Variants in ZSCAN5A observed in about 807,000 individuals in gnomAD.
ZSCAN5A encodes the protein zinc finger and SCAN domain-containing protein 5A.
ZSCAN5A carries 12 observed loss-of-function variants against 23.7 expected under a neutral mutation model. That is an observed-to-expected ratio of 0.51 (90% CI 0.32 to 0.82). The LOEUF is 0.82. ZSCAN5A is among the 40% of genes least tolerant of loss of function. The pLI is 0.03. For missense variants in ZSCAN5A, 597 were observed against 617.9 expected, an observed-to-expected ratio of 0.97 and a Z score of 0.36; for synonymous variants, 257 against 239.9, an observed-to-expected ratio of 1.07 and a Z score of -0.66.
intron 1 of ZSCAN5A, among the ~76,000 whole-genome samples, chr19:56,363,660 T>C (rs1250257868): frequency 6.6e-6 from 1 of 152,184 alleles, no homozygotes; most frequent in Non-Finnish European, 1.5e-5. Context: ...AAACGTGACA[T>C]GTGTTATGCC....
chr19:56,333,404 C>T lies in ZSCAN5A; in HGVS notation c.-357-17136G>A, dbSNP rs950464239. On this transcript the variant is annotated intron_variant, in intron 2 of 6. Transcript: ENST00000587340. ...TCTTCAAAAGACCAGACTTCAATTC[C>T]GAAATTCGTTCTTCTGCTTGCTCCA... Among the ~76,000 whole-genome samples, 6 of 150,920 alleles carry T rather than the reference C, an allele frequency of 4.0e-5. No individual in the cohort carries two copies. In the South Asian group the frequency reaches 6.3e-4, roughly 16 times the overall value.
At chr19:56,233,574 T>G (rs2034638210) in intron 2 of ZSCAN5A, among the ~76,000 whole-genome samples, 1 of 150,886 alleles carries the variant, frequency 6.6e-6, no homozygotes, top group African/African-American at 2.4e-5. Flanking sequence ...TGAAGCAACC[T>G]CACCCACACC....
intron 2 of ZSCAN5A, among the ~76,000 whole-genome samples, chr19:56,326,374 G>A (rs1450307994): frequency 1.3e-5 from 2 of 150,902 alleles, no homozygotes; most frequent in South Asian, 2.1e-4. Flanking sequence ...AAAATTTCAA[G>A]TACACATTAG....
intron 2 of ZSCAN5A, among the ~76,000 whole-genome samples, chr19:56,327,739 A>G (rs2041448566): frequency 6.6e-6 from 1 of 151,650 alleles, no homozygotes; most frequent in African/African-American, 2.4e-5. Flanking sequence ...AATTTTACAC[A>G]TCTACTAATA....
intron 2 of ZSCAN5A, among the ~76,000 whole-genome samples, chr19:56,262,283 T>C (rs542899357): frequency 1.1e-4 from 17 of 152,244 alleles, no homozygotes; most frequent in African/African-American, 4.1e-4. Flanking sequence ...CCTCCCAAAG[T>C]GCTAGGATTA....
intron 2 of ZSCAN5A, among the ~76,000 whole-genome samples, chr19:56,308,945 C>G (rs980643523): frequency 2.0e-5 from 3 of 152,214 alleles, no homozygotes; most frequent in African/African-American, 4.8e-5. Flanking sequence ...GGCAAACTTT[C>G]TCTGTGAAGG....
chr19:56,301,076 G>A (rs1356007000), intron 2 of ZSCAN5A, among the ~76,000 whole-genome samples: 4 of 152,066 alleles, frequency 2.6e-5, no homozygotes, highest in African/African-American at 9.7e-5. Flanking sequence ...CCAGAAAGGG[G>A]TCCCGATCAA....
At chr19:56,267,321 C>A (rs2037546841) in intron 2 of ZSCAN5A, among the ~76,000 whole-genome samples, 1 of 152,010 alleles carries the variant, frequency 6.6e-6, no homozygotes, top group Admixed American at 6.6e-5. Flanking sequence ...CTGCTTGGTT[C>A]ACAGAGGGTG....
intron 2 of ZSCAN5A, among the ~76,000 whole-genome samples, chr19:56,249,215 A>G (rs555768150): frequency 6.6e-6 from 1 of 152,316 alleles, no homozygotes; most frequent in South Asian, 2.1e-4. Flanking sequence ...CCCTGATCCC[A>G]GAGCTTCCAG....
chr19:56,294,077 C>T (rs2039698424), intron 2 of ZSCAN5A, among the ~76,000 whole-genome samples: 1 of 152,208 alleles, frequency 6.6e-6, no homozygotes, highest in Admixed American at 6.5e-5. Context: ...GCTGCACTGA[C>T]AGCACTTTGC....
chr19:56,324,259 A>G (rs527926547), intron 2 of ZSCAN5A, among the ~76,000 whole-genome samples: 2 of 152,306 alleles, frequency 1.3e-5, no homozygotes, highest in East Asian at 3.9e-4. Context: ...TTCACTTAAC[A>G]TAATGTCCTC....
At chr19:56,338,967 T>C (rs1172798991) in intron 2 of ZSCAN5A, among the ~76,000 whole-genome samples, 1 of 152,206 alleles carries the variant, frequency 6.6e-6, no homozygotes, top group Non-Finnish European at 1.5e-5. Flanking sequence ...GTAATGTATT[T>C]GGAGTGCAAA....
chr19:56,304,318 G>C (rs2040542401), intron 2 of ZSCAN5A, among the ~76,000 whole-genome samples: 1 of 152,218 alleles, frequency 6.6e-6, no homozygotes, highest in African/African-American at 2.4e-5. Context: ...AGTGACTTCA[G>C]TTATGCTAGT....
chr19:56,231,921 T>C (rs1429996521), intron 2 of ZSCAN5A, among the ~76,000 whole-genome samples: 2 of 152,026 alleles, frequency 1.3e-5, no homozygotes, highest in African/African-American at 4.8e-5. Flanking sequence ...GCTCCATCCC[T>C]GGACAACCAC....
intron 1 of ZSCAN5A, among the ~76,000 whole-genome samples, chr19:56,313,785 CTCTTAAATTTGATGTAAAATGAAGT>C (rs772170931): frequency 2.0e-4 from 31 of 152,230 alleles, no homozygotes; most frequent in Non-Finnish European, 3.7e-4. Context: ...GATGGGAGTG[CTCTTAAATTTGATGTAAAATGAAGT>C]TAATGTGTCA....
At chr19:56,311,341 A>G (rs1303544389) in intron 2 of ZSCAN5A, among the ~76,000 whole-genome samples, 1 of 152,186 alleles carries the variant, frequency 6.6e-6, no homozygotes, top group Non-Finnish European at 1.5e-5. Context: ...GGTGGAAACA[A>G]TTCTTTGCTG....
At chr19:56,224,408 C>T in intron 3 of ZSCAN5A, 1 of 580,654 alleles carries the variant, frequency 1.7e-6, no homozygotes, top group Non-Finnish European at 2.9e-6. Flanking sequence ...CTCAGCACAG[C>T]TGATATTGGA....
At chr19:56,281,089 C>G (rs1308832388) in intron 2 of ZSCAN5A, among the ~76,000 whole-genome samples, 1 of 152,154 alleles carries the variant, frequency 6.6e-6, no homozygotes, top group Admixed American at 6.5e-5. Context: ...ACATATATTA[C>G]ATGCTGATTC....
In ZSCAN5A at chr19:56,312,079, T is replaced by A. The variant is rs1044778737; in HGVS notation, c.-128+1204A>T. ...TTAATTCAATATATCCAAGATACATTTCAACATGTAGTCAATAAAAAAAAT... is the reference window on the plus strand; with the variant it reads ...TTAATTCAATATATCCAAGATACATATCAACATGTAGTCAATAAAAAAAAT... On this transcript the variant is annotated intron_variant, in intron 2 of 5. Transcript: ENST00000683990. 5.9e-5 allele frequency: 9 copies of A among 152,304 alleles called. No homozygotes were observed. In the South Asian group the frequency reaches 1.9e-3, roughly 32 times the overall value. The allele number at this position is 152,304 out of a possible 1,614,324, so 9.4% of individuals were successfully genotyped here. A position where few individuals can be genotyped will look rare whatever the true frequency, so the allele number is the denominator to read the frequency against.
Sources: allele counts gnomAD v4.1 joint callset (sites outside exome capture counted in the v4.1 genomes callset), GRCh38; gene constraint gnomAD v4.1.1; transcripts MANE v1.5; gene names NCBI Gene and HGNC (gene_info 2026-07-23, HGNC 2026-07-21).